Variants in CUL9 observed in about 807,000 individuals in gnomAD.
CUL9 encodes the protein cullin-9.
A neutral mutation model predicts 272.6 loss-of-function variants in CUL9; 79 were observed. That is an observed-to-expected ratio of 0.29 (90% confidence interval 0.24 to 0.35). The LOEUF is 0.35. Ranked by LOEUF, CUL9 falls within the 10% of genes least tolerant of loss-of-function variation. The probability of loss-of-function intolerance (pLI) is 1.00; values close to 1 mark genes in which losing one functional copy is unlikely to be tolerated. For synonymous variants in CUL9, 1,186 were observed against 1,286.5 expected (o/e 0.92, Z 1.67); for missense variants, 2,532 against 3,255.6 (o/e 0.78, Z 5.41).
At chr6:43,204,593 G>A in intron 21 of CUL9, 54 bp downstream of exon 21, 1 of 1,605,758 alleles carries the variant, frequency 6.2e-7, no homozygotes. Context: ...GGTGTATCTG[G>A]CTCCCTCCTC....
Position 43,224,433 on chromosome 6 carries a change from G to A in CUL9, c.7542G>A (p.Glu2514=). The A allele has an allele frequency of 3.1e-6, 5 of 1,613,586 alleles. No homozygotes were observed. Among genetic ancestry groups the A allele is most frequent in the Non-Finnish European group, 4.2e-6 (5 of 1,179,800 alleles). The change falls in exon 41 of 41, where the codon GAG becomes GAA. Residue 2514 remains glutamate, a synonymous_variant. Transcript: ENST00000252050. The surrounding 1 kb of genome is among the most constrained non-coding windows in gnomAD (Gnocchi z 4.2). ...FFGDEEEDED[E]AYD ...GTGATGAGGAAGAGGATGAAGATGA[G>A]GCCTATGACTGAGGGGGCAGATGCA...
At chr6:43,194,229 T>C (rs1383760538) in intron 9 of CUL9, among the ~76,000 whole-genome samples, 1 of 152,190 alleles carries the variant, frequency 6.6e-6, no homozygotes, top group African/African-American at 2.4e-5. Flanking sequence ...CGGGAGCATG[T>C]GTCCTCTTAA....
intron 8 of CUL9, among the ~76,000 whole-genome samples, chr6:43,192,059 C>CTTTTTTTTTT (rs777284621): frequency 6.7e-5 from 8 of 118,642 alleles, no homozygotes; most frequent in African/African-American, 2.4e-4. Context: ...CCCCTTTTCT[C>CTTTTTTTTTT]TTTTTTTTTT....
rs201176247 is a variant in CUL9 at position 43,216,417 on chromosome 6, C to T, written c.6196C>T (p.Arg2066Trp). The change falls in exon 31 of 41, where the codon CGG becomes TGG. Residue 2066 changes from arginine (R) to tryptophan (W), a missense_variant. Transcript: ENST00000252050. ...CVHQAQAVPVRPDHCPVCVSP... is the reference protein window; with the variant it reads ...CVHQAQAVPVWPDHCPVCVSP... ...ACACCAGGCTCAGGCTGTACCCGTA[C>T]GGCCTGACCACTGCCCCGTCTGTGT... The T allele has an allele frequency of 5.6e-5, 91 of 1,613,682 alleles. 1 individual carries two copies. The East Asian group carries it at 6.5e-4, about 11-fold the overall frequency.
rs1776589104 is a variant in CUL9, at chr6:43,223,902, C to T, written c.7285-193C>T. 1 of 628,354 alleles carries T rather than the reference C, an allele frequency of 1.6e-6. No individual in the cohort carries two copies. Among genetic ancestry groups the T allele is most frequent in the Non-Finnish European group, 2.9e-6 (1 of 350,846 alleles). The allele number at this position is 628,354 out of a possible 1,614,324, so 38.9% of individuals were successfully genotyped here. ...TCTTTAAGCACAGGGTCGTGTGCCT[C>T]ACCTGGTACCCCGTATCCCTGGAGA... On this transcript the variant is annotated intron_variant, in intron 39 of 40. Coordinates refer to ENST00000252050, the MANE Select transcript of CUL9 (RefSeq NM_015089.4). The surrounding 1 kb of genome is among the most constrained non-coding windows in gnomAD (Gnocchi z 4.1).
At chr6:43,204,064 G>C in intron 20 of CUL9, 77 bp downstream of exon 20, 1 of 1,500,724 alleles carries the variant, frequency 6.7e-7, no homozygotes, top group East Asian at 2.3e-5. Flanking sequence ...TAATGCTCTT[G>C]GTTCTTTTGG....
chr6:43,194,305 CT>C (rs1289434800), intron 9 of CUL9, among the ~76,000 whole-genome samples: 1 of 149,656 alleles, frequency 6.7e-6, no homozygotes, highest in African/African-American at 2.5e-5. Context: ...CTTTTTTTTT[CT>C]TTTTTCTTTT....
chr6:43,216,066 T>C, intron 30 of CUL9, 92 bp from the exon 31 acceptor site: 2 of 1,239,130 alleles, frequency 1.6e-6, no homozygotes, highest in Non-Finnish European at 1.1e-6. Flanking sequence ...GCAAGTATGC[T>C]CAAAGAGGGA....
intron 1 of CUL9, among the ~76,000 whole-genome samples, chr6:43,182,748 C>T (rs1254215156): frequency 4.6e-5 from 7 of 152,158 alleles, no homozygotes; most frequent in Non-Finnish European, 1.0e-4. Context: ...ATCTTCTGTC[C>T]CTGTACCCCA....
intron 11 of CUL9, 176 bp from the exon 12 acceptor site, chr6:43,198,433 T>G (rs1456691566): frequency 1.0e-6 from 1 of 984,890 alleles, no homozygotes; most frequent in African/African-American, 1.7e-5. Flanking sequence ...CAAATCTGAT[T>G]AGGTTTGTAT....
At position 43,206,613 on chromosome 6, in the gene CUL9, T is replaced by C. The variant is rs1775065872; in HGVS notation, c.5212+103T>C. The C allele has an allele frequency of 2.0e-6, 2 of 1,005,482 alleles. No individual in the cohort carries two copies. 62.3% of individuals were successfully genotyped at this position (1,005,482 alleles called of 1,614,324 possible). The stretch of plus-strand genomic sequence containing the variant: ...GACAGGATATAGATGTGAAGAAAAA[T>C]ATCAGCTCCTAGCGAGGGATGAGAA... On this transcript the variant is annotated intron_variant, in intron 26 of 40. Coordinates refer to ENST00000252050, the MANE Select transcript of CUL9 (RefSeq NM_015089.4). The surrounding 1 kb of genome is among the most constrained non-coding windows in gnomAD (Gnocchi z 4.8).
In CUL9 at chr6:43,199,246, C is replaced by T. The variant is rs201192445; in HGVS notation, c.3051-20C>T. On this transcript the variant is annotated intron_variant, in intron 12 of 40. Transcript: ENST00000252050. The surrounding 1 kb of genome is among the most constrained non-coding windows in gnomAD (Gnocchi z 4.4). ...CCACTGTGCCTGGCCTGACTTCACT[C>T]GTTTCTACCCCCTCACCAGGGTCAT... 20 of 1,597,628 alleles carry T rather than the reference C, an allele frequency of 1.3e-5. No homozygotes were observed. Among genetic ancestry groups the T allele is most frequent in the Admixed American group, 8.3e-5 (5 of 59,910 alleles).
At chr6:43,201,787 T>C (rs1774598932) in intron 16 of CUL9, among the ~76,000 whole-genome samples, 1 of 152,206 alleles carries the variant, frequency 6.6e-6, no homozygotes, top group African/African-American at 2.4e-5. Flanking sequence ...CCGAAAGCTG[T>C]GTATGTCTAA....
Position 43,188,570 on chromosome 6 carries a change from C to G in CUL9, c.2035C>G (p.Gln679Glu). 6.2e-7 allele frequency: 1 copy of G among 1,613,960 alleles called. No individual in the cohort carries two copies. Among genetic ancestry groups the G allele is most frequent in the Non-Finnish European group, 8.5e-7 (1 of 1,179,934 alleles). The change falls in exon 8 of 41, where the codon CAG becomes GAG. Residue 679 changes from glutamine to glutamate, a missense_variant. Around this residue, in one of 3 missense-constraint regions of CUL9, gnomAD observed 2,218 missense variants for 2,788.6 expected, o/e 0.80. Coordinates refer to ENST00000252050, the MANE Select transcript of CUL9 (RefSeq NM_015089.4). ...TCCCGGTCCTCGCAGCTCCCTGGAT[C>G]AGCATGTGGCAGCGGTCGTGGCCAC... ...RGPGPRSSLD[Q>E]HVAAVVATVQ...
Position 43,199,367 on chromosome 6 carries a change from C to T in CUL9, c.3152C>T (p.Ser1051Phe). 2 of 1,611,904 alleles carry T rather than the reference C, an allele frequency of 1.2e-6. No individual in the cohort carries two copies. The highest frequency in any genetic ancestry group is 1.7e-6 in the Non-Finnish European group (2 of 1,178,328). Residue 1051 changes from serine to phenylalanine, a missense_variant, in exon 13 of 41, where the codon TCC becomes TTC. By Grantham distance (155) the Ser-to-Phe change is radical. Around this residue, in one of 3 missense-constraint regions of CUL9, gnomAD observed 2,218 missense variants for 2,788.6 expected, o/e 0.80. Coordinates refer to ENST00000252050, the MANE Select transcript of CUL9 (RefSeq NM_015089.4). The surrounding 1 kb of genome is among the most constrained non-coding windows in gnomAD (Gnocchi z 4.4). Reference sequence around the variant, plus strand: ...TGCCTGAGTGGCCCTAGCAGTGACTCCGAGGTACCAGAACCCTGGCAAGGA... The same window carrying T: ...TGCCTGAGTGGCCCTAGCAGTGACTTCGAGGTACCAGAACCCTGGCAAGGA... The part of the protein sequence containing the change: ...LNCLSGPSSD[S>F]EIVQELTCFL...
intron 1 of CUL9, among the ~76,000 whole-genome samples, chr6:43,183,976 T>C (rs377586049): frequency 6.6e-6 from 1 of 152,024 alleles, no homozygotes; most frequent in Non-Finnish European, 1.5e-5. Context: ...TGGACTTGAA[T>C]TCCTGACCTC....
intron 1 of CUL9, among the ~76,000 whole-genome samples, 188 bp downstream of exon 1, chr6:43,182,437 T>C (rs1379617506): frequency 2.2e-5 from 3 of 138,664 alleles, no homozygotes; most frequent in Non-Finnish European, 4.6e-5. Flanking sequence ...CCGTTCCCTC[T>C]GCGGTGCTGG....
At chr6:43,214,341 C>G (rs1201372127) in intron 29 of CUL9, among the ~76,000 whole-genome samples, 1 of 152,066 alleles carries the variant, frequency 6.6e-6, no homozygotes. Flanking sequence ...AATTGCTTGA[C>G]CCAGGAGGCG....
chr6:43,196,628 C>G lies in CUL9; in HGVS notation c.2586-17C>G. 1 of 1,603,428 alleles carries G rather than the reference C, an allele frequency of 6.2e-7. No individual in the cohort carries two copies. Among genetic ancestry groups the G allele is most frequent in the East Asian group, 2.2e-5 (1 of 44,812 alleles). On this transcript the variant is annotated splice_polypyrimidine_tract_variant and intron_variant, in intron 10 of 40. Coordinates refer to ENST00000252050, the MANE Select transcript of CUL9 (RefSeq NM_015089.4). ...CATGGTCTCTCAGTTTCTTCCTGGT[C>G]ACCTCCCTCCTCCCAGGTGCTCTTC...
Sources: gnomAD v4.1 joint callset for allele counts (sites outside exome capture counted in the v4.1 genomes callset) on GRCh38, gnomAD v4.1.1 for gene constraint, gnomAD v4.1.1 regional missense constraint, Gnocchi (gnomAD v3.1) non-coding constraint, MANE v1.5 for transcripts, NCBI Gene and HGNC (gene_info 2026-07-23, HGNC 2026-07-21) for gene names.